The following PCGF5 variants were observed in gnomAD, a reference collection of about 807,000 sequenced individuals.
The protein encoded by PCGF5 is polycomb group ring finger 5, also known as polycomb group RING finger protein 5.
In PCGF5, 9 loss-of-function variants were observed where a neutral mutation model predicts 44.3. That is an observed-to-expected ratio of 0.20 (90% CI 0.12 to 0.35). The LOEUF (loss-of-function observed/expected upper bound fraction) is 0.35. Ranked by LOEUF, PCGF5 falls within the 10% of genes least tolerant of loss-of-function variation. The pLI is 1.00. For synonymous variants in PCGF5, 95 were observed against 102.5 expected, an observed-to-expected ratio of 0.93 and a Z score of 0.44; for missense variants, 146 against 305.3, an observed-to-expected ratio of 0.48 and a Z score of 3.89.
At chr10:91,251,144 G>T (rs1845614137) in intron 5 of PCGF5, 148 bp from the exon 6 acceptor site, 2 of 481,046 alleles carry the variant, frequency 4.2e-6, no homozygotes, top group Non-Finnish European at 3.5e-6. Flanking sequence ...TGAGTTGGTT[G>T]GAACATTTTA....
rs140421112 is a variant in PCGF5, at chr10:91,258,439, C to G, written c.475-2887C>G. The stretch of plus-strand genomic sequence containing the variant: ...GGAATATTGGCATTGTATATACTTA[C>G]AGTTGAACCTCCCAAATCTGAAATG... On this transcript the variant is annotated intron_variant, in intron 6 of 9. Coordinates refer to ENST00000336126, the MANE Select transcript of PCGF5 (RefSeq NM_032373.5). Among the ~76,000 whole-genome samples the G allele has an allele frequency of 6.8e-3, 1,035 of 152,196 alleles. 9 individuals are homozygous for G. The highest frequency in any genetic ancestry group is 0.011 in the Non-Finnish European group (729 of 67,990).
At chr10:91,226,289 TAAAAAAAAAAAAA>T (rs66465569) in intron 2 of PCGF5, among the ~76,000 whole-genome samples, 1 of 75,142 alleles carries the variant, frequency 1.3e-5, no homozygotes. Context: ...TTAAGAAATG[TAAAAAAAAAAAAA>T]AAAAAAAAAA....
At chr10:91,158,536 G>GACATTAAA (rs1219891763), upstream of PCGF5, among the ~76,000 whole-genome samples, 2 of 152,168 alleles carry the variant, frequency 1.3e-5, no homozygotes, top group African/African-American at 4.8e-5. Flanking sequence ...CTAGGTTCTA[G>GACATTAAA]ACATTAAAAG....
intron 1 of PCGF5, among the ~76,000 whole-genome samples, chr10:91,210,364 A>C (rs1844426168): frequency 6.6e-6 from 1 of 152,222 alleles, no homozygotes; most frequent in South Asian, 2.1e-4. Flanking sequence ...AGGGTGTTTA[A>C]CGTAGCCACA....
At chr10:91,229,550 A>G (rs1844944723) in intron 2 of PCGF5, among the ~76,000 whole-genome samples, 3 of 152,128 alleles carry the variant, frequency 2.0e-5, no homozygotes, top group African/African-American at 7.2e-5. Flanking sequence ...ACATCTACAT[A>G]ATATATGTTA....
intron 1 of PCGF5, among the ~76,000 whole-genome samples, chr10:91,208,527 A>G (rs1844389251): frequency 6.6e-6 from 1 of 152,170 alleles, no homozygotes; most frequent in South Asian, 2.1e-4. Flanking sequence ...TGAAGTAACA[A>G]AGCTGTAGGC....
At chr10:91,257,471 G>A (rs577346972) in intron 6 of PCGF5, among the ~76,000 whole-genome samples, 2 of 150,056 alleles carry the variant, frequency 1.3e-5, no homozygotes, top group African/African-American at 5.0e-5. Flanking sequence ...CTTATCTGTG[G>A]AGCATATGTT....
upstream of PCGF5, among the ~76,000 whole-genome samples, chr10:91,217,439 C>G (rs531559163): frequency 4.6e-5 from 7 of 152,252 alleles, no homozygotes; most frequent in South Asian, 1.2e-3. Context: ...ATTTATTAGG[C>G]AGGAAAGGAA....
chr10:91,195,089 G>A (rs751919540), intron 1 of PCGF5, among the ~76,000 whole-genome samples: 15 of 152,122 alleles, frequency 9.9e-5, no homozygotes, highest in Non-Finnish European at 1.8e-4. Flanking sequence ...GATGGGGAAG[G>A]TGGTTTGAGG....
intron 2 of PCGF5, chr10:91,228,058 C>A: frequency 1.7e-6 from 1 of 597,296 alleles, no homozygotes; most frequent in Non-Finnish European, 2.1e-6. Flanking sequence ...TTTAGGAAAA[C>A]TGTCTCCTAG....
chr10:91,172,163 G>A (rs146384722), intron 1 of PCGF5, among the ~76,000 whole-genome samples: 2,876 of 151,906 alleles, frequency 0.019, 88 homozygotes, highest in African/African-American at 0.066. Flanking sequence ...GGTGGCTCAT[G>A]CCTGTAATCC....
At chr10:91,163,583 C>G (rs1288524362) in intron 1 of PCGF5, among the ~76,000 whole-genome samples, 4 of 152,238 alleles carry the variant, frequency 2.6e-5, no homozygotes, top group African/African-American at 9.6e-5. Flanking sequence ...GCCGCGCGCC[C>G]CGGCGCCTAG....
intron 1 of PCGF5, among the ~76,000 whole-genome samples, chr10:91,168,072 G>A (rs1431998276): frequency 6.6e-6 from 1 of 152,166 alleles, no homozygotes; most frequent in East Asian, 1.9e-4. Context: ...GGTGATTATT[G>A]GTTTGGATTT....
At chr10:91,221,360 A>G (rs1351047012) in intron 1 of PCGF5, among the ~76,000 whole-genome samples, 1 of 152,220 alleles carries the variant, frequency 6.6e-6, no homozygotes, top group African/African-American at 2.4e-5. Context: ...GGGAAAGGCA[A>G]GGCAGTTAAT....
intron 2 of PCGF5, among the ~76,000 whole-genome samples, chr10:91,238,613 T>TCC (rs1564645035): frequency 2.4e-4 from 26 of 110,408 alleles, no homozygotes; most frequent in African/African-American, 7.6e-4. Context: ...TTTTTTTTTT[T>TCC]TTTTTTTTTT....
At position 91,251,273 on chromosome 10, in the gene PCGF5, T is replaced by A; in HGVS notation, c.326-19T>A. On this transcript the variant is annotated intron_variant, in intron 5 of 9. Transcript: ENST00000336126. ...CAACTTTGATTTATAGCTAACTTAG[T>A]TTTGTTTAAATTATACAGATGATAC... The A allele has an allele frequency of 1.9e-6, 3 of 1,582,646 alleles. No individual in the cohort carries two copies. Among genetic ancestry groups the A allele is most frequent in the Non-Finnish European group, 2.6e-6 (3 of 1,158,606 alleles).
At chr10:91,251,608 T>G (rs528034972) in intron 6 of PCGF5, among the ~76,000 whole-genome samples, 168 bp downstream of exon 6, 27 of 152,134 alleles carry the variant, frequency 1.8e-4, no homozygotes, top group African/African-American at 2.4e-4. Context: ...ATGGTTACTA[T>G]TCCCACAACT....
chr10:91,208,598 T>A (rs1413796600), intron 1 of PCGF5, among the ~76,000 whole-genome samples: 1 of 152,068 alleles, frequency 6.6e-6, no homozygotes, highest in Non-Finnish European at 1.5e-5. Context: ...GTATGAAAAA[T>A]TCACCTCATT....
chr10:91,184,369 C>T (rs570661567), intron 1 of PCGF5, among the ~76,000 whole-genome samples: 17 of 151,950 alleles, frequency 1.1e-4, no homozygotes, highest in Non-Finnish European at 1.9e-4. Context: ...CTTTTTATTC[C>T]GTTATGAAAT....
Sources: gnomAD v4.1 joint callset for allele counts (sites outside exome capture counted in the v4.1 genomes callset) on GRCh38, gnomAD v4.1.1 for gene constraint, MANE v1.5 for transcripts, NCBI Gene and HGNC (gene_info 2026-07-23, HGNC 2026-07-21) for gene names.